TSPAN9: variants seen among roughly 807,000 people sequenced by gnomAD.
The protein encoded by TSPAN9 is tetraspanin-9.
A neutral mutation model predicts 31.0 loss-of-function variants in TSPAN9; 16 were observed. That is an observed-to-expected ratio of 0.52 (90% confidence interval 0.35 to 0.78). The LOEUF (loss-of-function observed/expected upper bound fraction) is 0.78. Ranked by LOEUF, TSPAN9 falls within the 30% of genes least tolerant of loss-of-function variation. TSPAN9 has a pLI of 0.01. For synonymous variants in TSPAN9, 145 were observed against 121.6 expected, an observed-to-expected ratio of 1.19 and a Z score of -1.27; for missense variants, 272 against 312.5, an observed-to-expected ratio of 0.87 and a Z score of 0.98.
chr12:3,236,988 T>C (rs2098394107), intron 3 of TSPAN9, among the ~76,000 whole-genome samples: 2 of 152,134 alleles, frequency 1.3e-5, no homozygotes, highest in African/African-American at 4.8e-5. Flanking sequence ...GTGAAATGAC[T>C]GCGAGCAGCA....
At chr12:3,078,830 A>G (rs7974612) in intron 1 of TSPAN9, among the ~76,000 whole-genome samples, 150,904 of 151,976 alleles carry the variant, frequency 0.99, 74,929 homozygotes, top group Middle Eastern at 1. Context: ...ATTCTGGCAG[A>G]GCTTTTTAAA....
intron 3 of TSPAN9, among the ~76,000 whole-genome samples, chr12:3,249,903 G>A (rs581684): frequency 3.3e-5 from 5 of 152,100 alleles, no homozygotes; most frequent in African/African-American, 4.8e-5. Context: ...GCCCCTTGTC[G>A]TCTCACCATG....
chr12:3,235,785 G>C (rs916619023), intron 3 of TSPAN9, among the ~76,000 whole-genome samples: 3 of 152,240 alleles, frequency 2.0e-5, no homozygotes, highest in African/African-American at 7.2e-5. Flanking sequence ...GCTGAGGGCT[G>C]ACTCCAGCCA....
intron 2 of TSPAN9, among the ~76,000 whole-genome samples, chr12:3,128,782 CA>C (rs2098328454): frequency 6.6e-6 from 1 of 152,322 alleles, no homozygotes; most frequent in Admixed American, 6.5e-5. Flanking sequence ...GAAATATACG[CA>C]ACATAAAATT....
At chr12:3,110,842 T>G (rs770992431) in intron 2 of TSPAN9, among the ~76,000 whole-genome samples, 80 of 152,220 alleles carry the variant, frequency 5.3e-4, no homozygotes, top group Non-Finnish European at 1.1e-3. Context: ...CTGTTGACTT[T>G]TTCTTCATCC....
At chr12:3,103,020 A>G (rs185489662) in intron 2 of TSPAN9, among the ~76,000 whole-genome samples, 273 of 152,302 alleles carry the variant, frequency 1.8e-3, no homozygotes, top group African/African-American at 6.2e-3. Context: ...AGAAACCTAC[A>G]TGTTCTGCCT....
intron 2 of TSPAN9, among the ~76,000 whole-genome samples, chr12:3,095,984 C>T (rs1326351778): frequency 8.0e-5 from 12 of 149,550 alleles, no homozygotes; most frequent in South Asian, 2.3e-4. Flanking sequence ...CCAAGGCAGG[C>T]GGCTGCTCCT....
Position 3,090,079 on chromosome 12 carries a change from T to G in TSPAN9, c.-18+6360T>G, listed in dbSNP as rs75523908. The stretch of plus-strand genomic sequence containing the variant: ...CTTTGGTTTGTATTATTTCCAGATA[T>G]TTCTGGATAGACTAGCATCCAGCCG... On this transcript the variant is annotated intron_variant, in intron 2 of 8. Coordinates refer to ENST00000011898, the MANE Select transcript of TSPAN9 (RefSeq NM_006675.5). 3.9e-3 allele frequency among the ~76,000 whole-genome samples: 600 copies of G among 152,324 alleles called. 5 individuals carry two copies. The highest frequency in any genetic ancestry group is 0.014 in the African/African-American group (572 of 41,562).
rs1382835462 is a variant in TSPAN9, at chr12:3,090,341, C to T, written c.-18+6622C>T. Among the ~76,000 whole-genome samples the T allele has an allele frequency of 6.6e-5, 10 of 152,206 alleles. No individual in the cohort carries two copies. The South Asian group carries it at 1.2e-3, about 19-fold the overall frequency. On this transcript the variant is annotated intron_variant, in intron 2 of 8. Coordinates refer to ENST00000011898, the MANE Select transcript of TSPAN9 (RefSeq NM_006675.5). The stretch of plus-strand genomic sequence containing the variant: ...ACCATTTTCTTTGCTTCCAGTTCTA[C>T]GGGTTAGCCTTTTGGGCTGGTCTCT...
intron 2 of TSPAN9, among the ~76,000 whole-genome samples, chr12:3,130,887 T>A (rs1245790240): frequency 6.6e-6 from 1 of 152,204 alleles, no homozygotes; most frequent in Non-Finnish European, 1.5e-5. Context: ...ATCCCAGTGC[T>A]CTTGGATCAC....
intron 2 of TSPAN9, among the ~76,000 whole-genome samples, chr12:3,142,480 A>G (rs1265386520): frequency 7.2e-5 from 11 of 152,108 alleles, no homozygotes; most frequent in Admixed American, 7.2e-4. Flanking sequence ...GTGGGATGAA[A>G]GGTGATATAT....
In TSPAN9 at chr12:3,208,085, G is replaced by T. The variant is rs1032041761; in HGVS notation, c.63+6829G>T. 2.6e-5 allele frequency among the ~76,000 whole-genome samples: 4 copies of T among 152,344 alleles called. No homozygotes were observed. In the South Asian group the frequency reaches 8.3e-4, roughly 32 times the overall value. On this transcript the variant is annotated intron_variant, in intron 3 of 8. Coordinates refer to ENST00000011898, the MANE Select transcript of TSPAN9 (RefSeq NM_006675.5). ...TGTACTGCTCAGCAGGAGGCCTGGC[G>T]CCTTGGACTTCGTGCGCAGGAGCTG... is the stretch of plus-strand genomic sequence containing the variant.
Position 3,168,015 on chromosome 12 carries a change from C to T in TSPAN9, c.-17-33162C>T, listed in dbSNP as rs1386425122. Among the ~76,000 whole-genome samples the T allele has an allele frequency of 1.3e-5, 2 of 152,134 alleles. No homozygotes were observed. The highest frequency in any genetic ancestry group is 2.9e-5 in the Non-Finnish European group (2 of 68,030). On this transcript the variant is annotated intron_variant, in intron 2 of 8. Transcript: ENST00000011898. The surrounding 1 kb of genome is among the most constrained non-coding windows in gnomAD (Gnocchi z 4.0). ...GGAGGATTGGGGTCAGTTTGGTTTG[C>T]AGGCCTTTGTGGATAAAAGCATGTC... is the stretch of plus-strand genomic sequence containing the variant.
At chr12:3,268,657 CGTGCGTTCCTGCAGCCTGCCCTCT>C (rs1565639511) in intron 3 of TSPAN9, among the ~76,000 whole-genome samples, 3 of 55,678 alleles carry the variant, frequency 5.4e-5, no homozygotes, top group East Asian at 8.1e-4. Flanking sequence ...GCCTGCCCTC[CGTGCGTTCCTGCAGCCTGCCCTCT>C]CTGTGTTCCT....
At chr12:3,191,326 C>T (rs766136728) in intron 2 of TSPAN9, among the ~76,000 whole-genome samples, 2 of 152,132 alleles carry the variant, frequency 1.3e-5, no homozygotes, top group Non-Finnish European at 2.9e-5. Flanking sequence ...TCCAGTGGAG[C>T]GTGTGGGTGC....
chr12:3,235,456 T>C (rs368475264), intron 3 of TSPAN9, among the ~76,000 whole-genome samples: 1 of 151,150 alleles, frequency 6.6e-6, no homozygotes, highest in African/African-American at 2.4e-5. Context: ...AGCTTCCTTA[T>C]CTGTAAAATG....
intron 3 of TSPAN9, among the ~76,000 whole-genome samples, chr12:3,229,535 C>T (rs2098389578): frequency 6.6e-6 from 1 of 152,266 alleles, no homozygotes. Flanking sequence ...GGCCTGGCCG[C>T]CTTCTGCAGC....
chr12:3,256,452 G>A (rs540494141), intron 3 of TSPAN9, among the ~76,000 whole-genome samples: 33 of 152,236 alleles, frequency 2.2e-4, no homozygotes, highest in Non-Finnish European at 4.0e-4. Flanking sequence ...ACCACATTGG[G>A]GTGGGAGGTG....
rs184156835 is a variant in TSPAN9, at chr12:3,280,132, G to T, written c.331-250G>T. 1.7e-3 allele frequency among the ~76,000 whole-genome samples: 261 copies of T among 152,218 alleles called. 2 individuals carry two copies. Among genetic ancestry groups the T allele is most frequent in the African/African-American group, 5.9e-3 (246 of 41,544 alleles). Reference sequence around the variant, plus strand: ...TGTTACAGCCCTGGCCCTGAGTTTAGCTCTGCCGGGAGGCGGTGGGTGCAC... The same window carrying T: ...TGTTACAGCCCTGGCCCTGAGTTTATCTCTGCCGGGAGGCGGTGGGTGCAC... On this transcript the variant is annotated intron_variant, in intron 5 of 8. Coordinates refer to ENST00000011898, the MANE Select transcript of TSPAN9 (RefSeq NM_006675.5). This position sits in a 1 kb window ranked among gnomAD's most constrained non-coding sequence, Gnocchi z 4.5.
Sources: gnomAD v4.1 joint callset for allele counts (sites outside exome capture counted in the v4.1 genomes callset) on GRCh38, gnomAD v4.1.1 for gene constraint, Gnocchi (gnomAD v3.1) non-coding constraint, MANE v1.5 for transcripts, NCBI Gene and HGNC (gene_info 2026-07-23, HGNC 2026-07-21) for gene names.